MIA3: variants seen among roughly 807,000 people sequenced by gnomAD.
The protein encoded by MIA3 is MIA SH3 domain ER export factor 3.
In MIA3, 90 loss-of-function variants were observed where a neutral mutation model predicts 192.4. The ratio of observed to expected loss-of-function variants is 0.47; its 90% CI spans 0.39 to 0.56. The LOEUF is 0.56. MIA3 is among the 20% of genes least tolerant of loss of function. The pLI, the probability that MIA3 is intolerant of heterozygous loss-of-function variation, is 0.00. For synonymous variants in MIA3, 740 were observed against 792.8 expected (o/e 0.93, Z 1.12); for missense variants, 2,123 against 2,269.4 (o/e 0.94, Z 1.31).
At chr1:222,637,032 T>C (rs969196465) in intron 6 of MIA3, among the ~76,000 whole-genome samples, 2 of 152,246 alleles carry the variant, frequency 1.3e-5, no homozygotes, top group Non-Finnish European at 2.9e-5. Flanking sequence ...TGCTGCCTGT[T>C]GTTCTCTATA....
chr1:222,644,327 G>A, intron 6 of MIA3: 1 of 1,456,908 alleles, frequency 6.9e-7, no homozygotes, highest in Non-Finnish European at 9.1e-7. Context: ...GCGGCATAAA[G>A]CGAAAGTGCA....
In MIA3 at chr1:222,659,806, G is replaced by A. The variant is rs1393087198; in HGVS notation, c.4874+5G>A. 1.2e-6 allele frequency: 2 copies of A among 1,613,820 alleles called. No individual in the cohort carries two copies. Among genetic ancestry groups the A allele is most frequent in the Non-Finnish European group, 1.7e-6 (2 of 1,179,860 alleles). On this transcript the variant is annotated splice_donor_5th_base_variant and intron_variant, in intron 22 of 27. Coordinates refer to ENST00000344922, the MANE Select transcript of MIA3 (RefSeq NM_198551.4). ...AGCTGCCAATTTGAGACACAAGTATGTGGATTTTGATGGCTATATTTTCAG... is the reference window on the plus strand; with the variant it reads ...AGCTGCCAATTTGAGACACAAGTATATGGATTTTGATGGCTATATTTTCAG...
At chr1:222,636,611 C>G (rs1475011377) in intron 6 of MIA3, among the ~76,000 whole-genome samples, 1 of 147,794 alleles carries the variant, frequency 6.8e-6, no homozygotes, top group African/African-American at 2.5e-5. Context: ...CTCCCGGGTT[C>G]AAGCGATTCT....
chr1:222,629,156 G>T lies in MIA3; in HGVS notation c.1936G>T (p.Asp646Tyr). The change falls in exon 4 of 28, where the codon GAC becomes TAC. Residue 646 changes from aspartate to tyrosine, a missense_variant. Transcript: ENST00000344922. ...GATTGATTTGCCCAGAGAACTGGAAGACGAGGTTCCCATTCTGGGAAGAAA... is the reference window on the plus strand; with the variant it reads ...GATTGATTTGCCCAGAGAACTGGAATACGAGGTTCCCATTCTGGGAAGAAA... ...DEIDLPRELE[D>Y]EVPILGRNLP... 1 of 1,614,160 alleles carries T rather than the reference G, an allele frequency of 6.2e-7. No individual in the cohort carries two copies. Among genetic ancestry groups the T allele is most frequent in the Non-Finnish European group, 8.5e-7 (1 of 1,180,010 alleles).
At position 222,653,208 on chromosome 1, in the gene MIA3, C is replaced by G. The variant is rs1663533465; in HGVS notation, c.4210-20C>G. On this transcript the variant is annotated intron_variant, in intron 14 of 27. Coordinates refer to ENST00000344922, the MANE Select transcript of MIA3 (RefSeq NM_198551.4). ...GAATTAAATGGAAAGACTCTTAATG[C>G]CCTTTTACTTCTTTTCTAGGCTTTG... The G allele has an allele frequency of 5.0e-6, 8 of 1,599,890 alleles. No homozygotes were observed. Among genetic ancestry groups the G allele is most frequent in the Non-Finnish European group, 6.8e-6 (8 of 1,168,664 alleles).
intron 18 of MIA3, 21 bp downstream of exon 18, chr1:222,654,814 T>C: frequency 6.2e-7 from 1 of 1,604,002 alleles, no homozygotes; most frequent in African/African-American, 1.3e-5. Context: ...CATCATTTAC[T>C]GTTAACTGTA....
chr1:222,631,126 T>C (rs1379344810), intron 4 of MIA3, among the ~76,000 whole-genome samples: 1 of 102,066 alleles, frequency 9.8e-6, no homozygotes, highest in Admixed American at 9.5e-5. Flanking sequence ...TTTTCTTTTC[T>C]TTTTTTTTTT....
chr1:222,660,941 A>T (rs1663977328), intron 24 of MIA3: 1 of 152,638 alleles, frequency 6.6e-6, no homozygotes, highest in Non-Finnish European at 1.5e-5. Flanking sequence ...TGCAGTTTTA[A>T]ATCATAAATG....
chr1:222,636,001 T>A (rs755294950), intron 6 of MIA3, among the ~76,000 whole-genome samples: 36 of 152,234 alleles, frequency 2.4e-4, no homozygotes, highest in Non-Finnish European at 7.3e-5. Flanking sequence ...ATATTTGAAG[T>A]TATACTTTAA....
In MIA3 at chr1:222,654,454, C is replaced by T. The variant is rs760691540; in HGVS notation, c.4443C>T (p.Ser1481=). The change falls in exon 17 of 28, where the codon TCC becomes TCT. Residue 1481 remains serine, a synonymous_variant. Coordinates refer to ENST00000344922, the MANE Select transcript of MIA3 (RefSeq NM_198551.4). ...TTTTACAGCTTAAGCTAAGAGCCTC[C>T]GTGTCCACTAAATGTAACCTGGAAG... ...LKLLQLKLRA[S]VSTKCNLEDQ... 12 of 1,613,240 alleles carry T rather than the reference C, an allele frequency of 7.4e-6. No individual in the cohort carries two copies. The highest frequency in any genetic ancestry group is 5.0e-5 in the Admixed American group (3 of 59,998).
In MIA3 at chr1:222,629,506, CAG is replaced by C; in HGVS notation, c.2289_2290del (p.Arg763SerfsTer13). On this transcript the variant is annotated frameshift_variant, in exon 4 of 28. Coordinates refer to ENST00000344922, the MANE Select transcript of MIA3 (RefSeq NM_198551.4). LOFTEE classifies it high-confidence loss of function. ...QFDVNLQVPD[R>X]AVLGTIHPDP... is the part of the protein sequence containing the mutation. ...TTGATGTTAATCTGCAAGTCCCTGA[CAG>C]AGCAGTTTTAGGGACCATTCATCCA... 6.2e-7 allele frequency: 1 copy of C among 1,614,022 alleles called. No individual in the cohort carries two copies. Among genetic ancestry groups the C allele is most frequent in the Non-Finnish European group, 8.5e-7 (1 of 1,180,006 alleles).
In MIA3 at chr1:222,650,385, G is replaced by A; in HGVS notation, c.3720+5G>A. 3 of 1,445,396 alleles carry A rather than the reference G, an allele frequency of 2.1e-6. No individual in the cohort carries two copies. The highest frequency in any genetic ancestry group is 2.4e-5 in the South Asian group (2 of 82,378). 89.5% of individuals were successfully genotyped at this position (1,445,396 alleles called of 1,614,324 possible). On this transcript the variant is annotated splice_donor_5th_base_variant and intron_variant, in intron 9 of 27. Transcript: ENST00000344922. ...TTGTCAAATTATGAACAGAAGGTAT[G>A]ATTATTCTTTGTTTTTTTTTTTTTT...
At chr1:222,652,145 A>G in intron 12 of MIA3, 83 bp from the exon 13 acceptor site, 1 of 1,382,572 alleles carries the variant, frequency 7.2e-7, no homozygotes, top group Non-Finnish European at 1.0e-6. Flanking sequence ...CAAAAAATGA[A>G]AACTACATGA....
At chr1:222,645,205 G>T (rs569263014) in intron 6 of MIA3, among the ~76,000 whole-genome samples, 1 of 152,266 alleles carries the variant, frequency 6.6e-6, no homozygotes, top group East Asian at 1.9e-4. Flanking sequence ...GTCTTATGTG[G>T]TTTTTTAAGC....
intron 6 of MIA3, among the ~76,000 whole-genome samples, chr1:222,637,887 T>C (rs1056294135): frequency 6.6e-6 from 1 of 151,930 alleles, no homozygotes; most frequent in South Asian, 2.1e-4. Flanking sequence ...TTGCCATGTT[T>C]CCCAGTCTGG....
chr1:222,661,493 G>T, intron 24 of MIA3: 1 of 153,892 alleles, frequency 6.5e-6, no homozygotes, highest in Non-Finnish European at 1.4e-5. Context: ...TATGTTATTG[G>T]TAAGGCTTCT....
chr1:222,662,354 A>G, intron 26 of MIA3, 22 bp downstream of exon 26: 1 of 1,606,964 alleles, frequency 6.2e-7, no homozygotes, highest in Non-Finnish European at 8.5e-7. Flanking sequence ...CATTTTGAAT[A>G]ATTAGTTATT....
At chr1:222,623,629 C>G (rs1348496283) in intron 2 of MIA3, among the ~76,000 whole-genome samples, 1 of 152,148 alleles carries the variant, frequency 6.6e-6, no homozygotes, top group Admixed American at 6.5e-5. Flanking sequence ...ACTACTAATA[C>G]TGGCTTTCAG....
Position 222,651,979 on chromosome 1 carries a change from A to G in MIA3, c.3912A>G (p.Ile1304Met). The change falls in exon 12 of 28, where the codon ATA becomes ATG. Residue 1304 changes from isoleucine to methionine, a missense_variant and splice_region_variant. Ile to Met is a conservative substitution (Grantham distance 10, BLOSUM62 1). This residue lies in a region of MIA3 where 762 missense variants were observed against 856.4 expected (regional missense o/e 0.89). Coordinates refer to ENST00000344922, the MANE Select transcript of MIA3 (RefSeq NM_198551.4). ...TGTGTTCTGTTTTTACATGGCAGAT[A>G]TCAGAAAACAAGAAATCTATAGAGA... ...REQNVKNQDL[I>M]SENKKSIEKL... 6.5e-7 allele frequency: 1 copy of G among 1,532,256 alleles called. No homozygotes were observed. 94.9% of individuals were successfully genotyped at this position (1,532,256 alleles called of 1,614,324 possible).
Sources: allele counts gnomAD v4.1 joint callset (sites outside exome capture counted in the v4.1 genomes callset), GRCh38; gene constraint gnomAD v4.1.1; regional missense constraint gnomAD v4.1.1; transcripts MANE v1.5; gene names NCBI Gene and HGNC (gene_info 2026-07-23, HGNC 2026-07-21).